The following EBF2 variants were observed in gnomAD, a reference collection of about 807,000 sequenced individuals.
EBF2 encodes the protein EBF transcription factor 2, also known as transcription factor COE2.
A neutral mutation model predicts 72.8 loss-of-function variants in EBF2; 21 were observed. That is an observed-to-expected ratio of 0.29 (90% CI 0.20 to 0.42). The LOEUF is 0.42. Among genes scored for constraint, EBF2 ranks in the 10% least tolerant of loss-of-function variants. The pLI is 1.00. For synonymous variants in EBF2, 299 were observed against 274.2 expected, an observed-to-expected ratio of 1.09 and a Z score of -0.89; for missense variants, 637 against 731.2, an observed-to-expected ratio of 0.87 and a Z score of 1.49.
rs146757369 is a variant in EBF2, at chr8:25,889,335, A to G, written c.751+417T>C. Among the ~76,000 whole-genome samples, 8 of 152,348 alleles carry G rather than the reference A, an allele frequency of 5.3e-5. No individual in the cohort carries two copies. The East Asian group carries it at 1.5e-3, about 29-fold the overall frequency. On this transcript the variant is annotated intron_variant, in intron 8 of 15. Transcript: ENST00000520164. Reference sequence around the variant, plus strand: ...AACAGACCATGATTTCTTCTTGTCCAAGCAAACAAAAATCAATTAGTGTCA... The same window carrying G: ...AACAGACCATGATTTCTTCTTGTCCGAGCAAACAAAAATCAATTAGTGTCA...
At position 25,861,338 on chromosome 8, in the gene EBF2, C is replaced by G. The variant is rs1161938029; in HGVS notation, c.1135G>C (p.Ala379Pro). 6.2e-7 allele frequency: 1 copy of G among 1,614,206 alleles called. No homozygotes were observed. Among genetic ancestry groups the G allele is most frequent in the Non-Finnish European group, 8.5e-7 (1 of 1,180,036 alleles). ...LLKRAADLVE[A>P]LYGTPHNNQD... ...TTATTGTGTGGTGTGCCATAAAGAG[C>G]TTCCACTAGATCTGCAGCTCTTTTC... The change falls in exon 12 of 16, where the codon GCT becomes CCT. Residue 379 changes from alanine to proline, a missense_variant. By Grantham distance (27) the Ala-to-Pro change is conservative. Coordinates refer to ENST00000520164, the MANE Select transcript of EBF2 (RefSeq NM_022659.4).
At chr8:25,901,688 C>T (rs1253578051) in intron 7 of EBF2, among the ~76,000 whole-genome samples, 2 of 152,148 alleles carry the variant, frequency 1.3e-5, no homozygotes, top group South Asian at 2.1e-4. Flanking sequence ...GTGGAAAGCT[C>T]AGAAAACTAT....
chr8:25,917,607 C>T (rs921074405), intron 6 of EBF2, among the ~76,000 whole-genome samples: 21 of 152,334 alleles, frequency 1.4e-4, no homozygotes, highest in African/African-American at 5.0e-4. Flanking sequence ...AGAAAAAAAT[C>T]TTTCCGTGAG....
chr8:25,917,993 A>G (rs1379821934), intron 6 of EBF2, among the ~76,000 whole-genome samples: 3 of 152,224 alleles, frequency 2.0e-5, no homozygotes, highest in East Asian at 1.9e-4. Flanking sequence ...GGAGATTTGG[A>G]AAGGGAATCA....
At chr8:25,962,110 C>A (rs769435152) in intron 6 of EBF2, among the ~76,000 whole-genome samples, 1 of 152,088 alleles carries the variant, frequency 6.6e-6, no homozygotes, top group African/African-American at 2.4e-5. Context: ...GCCACGTACA[C>A]GTCTTACTTG....
At position 26,045,075 on chromosome 8, in the gene EBF2, C is replaced by T. The variant is rs991142061; in HGVS notation, c.-216G>A. ...TGTAGTCAAAGTTTGGGTTCTTATC[C>T]TCCGCAAGTTCAGATCTGCCGCCTC... On this transcript the variant is annotated 5_prime_UTR_variant, in exon 1 of 16. Coordinates refer to ENST00000520164, the MANE Select transcript of EBF2 (RefSeq NM_022659.4). 2.0e-6 allele frequency: 1 copy of T among 492,380 alleles called. No individual in the cohort carries two copies. The highest frequency in any genetic ancestry group is 3.6e-6 in the Non-Finnish European group (1 of 277,070). The allele number at this position is 492,380 out of a possible 1,614,324, so 30.5% of individuals were successfully genotyped here. A position where few individuals can be genotyped will look rare whatever the true frequency, so the allele number is the denominator to read the frequency against.
intron 6 of EBF2, among the ~76,000 whole-genome samples, chr8:25,966,065 C>T (rs564771671): frequency 7.4e-4 from 112 of 152,312 alleles, no homozygotes; most frequent in African/African-American, 2.6e-3. Context: ...GGACAGGTAA[C>T]GTTCAGCCAT....
intron 6 of EBF2, among the ~76,000 whole-genome samples, chr8:25,932,845 T>C (rs1037459815): frequency 3.3e-5 from 5 of 152,066 alleles, no homozygotes; most frequent in Non-Finnish European, 5.9e-5. Context: ...AAATTGATAA[T>C]AAAAGCTGAA....
chr8:26,023,809 G>A (rs112079352), intron 6 of EBF2, among the ~76,000 whole-genome samples: 10 of 152,098 alleles, frequency 6.6e-5, no homozygotes, highest in Non-Finnish European at 1.0e-4. Flanking sequence ...AGGGTGTGAA[G>A]AGGTGAGAAA....
chr8:26,008,354 G>C (rs537516981), intron 6 of EBF2, among the ~76,000 whole-genome samples: 1 of 152,224 alleles, frequency 6.6e-6, no homozygotes, highest in African/African-American at 2.4e-5. Context: ...AACACGTCCT[G>C]CCTTGATCAC....
chr8:25,848,334 C>T (rs1801882887), intron 15 of EBF2, among the ~76,000 whole-genome samples: 1 of 152,212 alleles, frequency 6.6e-6, no homozygotes, highest in African/African-American at 2.4e-5. Context: ...GAATGTGCTG[C>T]TCAGCCCGAG....
intron 6 of EBF2, among the ~76,000 whole-genome samples, chr8:25,961,150 A>G (rs2117178851): frequency 6.6e-6 from 1 of 152,308 alleles, no homozygotes; most frequent in East Asian, 1.9e-4. Flanking sequence ...GTAAAAACCA[A>G]AAAGACAGTG....
At chr8:25,859,734 T>TTTTTTTTTTTTTTTTTTTTG (rs1183390975) in intron 13 of EBF2, among the ~76,000 whole-genome samples, 5 of 151,102 alleles carry the variant, frequency 3.3e-5, no homozygotes, top group African/African-American at 9.9e-5. Flanking sequence ...TTTTTTTTTT[T>TTTTTTTTTTTTTTTTTTTTG]GAGACAAGAT....
chr8:25,864,501 AACACACACAC>A (rs72239959), intron 10 of EBF2, among the ~76,000 whole-genome samples: 58 of 149,430 alleles, frequency 3.9e-4, no homozygotes, highest in African/African-American at 1.3e-3. Flanking sequence ...GATACACACA[AACACACACAC>A]ACACACACAC....
chr8:25,863,692 A>AT (rs1371601324), intron 10 of EBF2, among the ~76,000 whole-genome samples: 72 of 152,248 alleles, frequency 4.7e-4, no homozygotes, highest in South Asian at 1.4e-3. Flanking sequence ...CTTTAATCTT[A>AT]TTTTTTATAT....
chr8:25,913,713 T>C (rs1803167657), intron 6 of EBF2, among the ~76,000 whole-genome samples: 1 of 152,154 alleles, frequency 6.6e-6, no homozygotes, highest in South Asian at 2.1e-4. Context: ...CTGGTTCTCT[T>C]TCTCTGCCAT....
chr8:25,890,223 G>A (rs953415620), intron 7 of EBF2, among the ~76,000 whole-genome samples: 1 of 152,174 alleles, frequency 6.6e-6, no homozygotes, highest in Non-Finnish European at 1.5e-5. Flanking sequence ...GTGCCATGTG[G>A]AAGCTGAGAT....
intron 6 of EBF2, among the ~76,000 whole-genome samples, chr8:25,968,029 G>C (rs1804140359): frequency 6.6e-6 from 1 of 152,146 alleles, no homozygotes; most frequent in Admixed American, 6.5e-5. Context: ...CAGCTTACCT[G>C]AAAGAATCAG....
Position 25,889,815 on chromosome 8 carries a change from T to A in EBF2, c.688A>T (p.Asn230Tyr). The change falls in exon 8 of 16, where the codon AAC (asparagine) becomes TAC (tyrosine). Residue 230 changes from asparagine to tyrosine, a missense_variant. Physicochemically the swap from Asn to Tyr is moderately radical, Grantham distance 143. This residue lies in a region of EBF2 where 204 missense variants were observed against 301.2 expected (regional missense o/e 0.68). Transcript: ENST00000520164. ...VDGHVLAVSD[N>Y]MFVHNNSKHG... ...TTGGAGTTGTTATGAACAAACATGT[T>A]GTCAGAAACAGCCAGGACGTGTCCA... 1 of 1,614,056 alleles carries A rather than the reference T, an allele frequency of 6.2e-7. No homozygotes were observed. The highest frequency in any genetic ancestry group is 8.5e-7 in the Non-Finnish European group (1 of 1,179,964).
Sources: allele counts gnomAD v4.1 joint callset (sites outside exome capture counted in the v4.1 genomes callset), GRCh38; gene constraint gnomAD v4.1.1; regional missense constraint gnomAD v4.1.1; transcripts MANE v1.5; gene names NCBI Gene and HGNC (gene_info 2026-07-23, HGNC 2026-07-21).